Variants in SLC39A11 observed in about 807,000 individuals in gnomAD.
SLC39A11 encodes the protein zinc transporter ZIP11.
Under a neutral mutation model 36.1 loss-of-function variants are expected in SLC39A11, and 33 were observed. That is an observed-to-expected ratio of 0.91 (90% CI 0.69 to 1.22). The LOEUF is 1.22. SLC39A11 is among the 50% of genes most tolerant of loss of function. The pLI, the probability that SLC39A11 is intolerant of heterozygous loss-of-function variation, is 0.00. For synonymous variants in SLC39A11, 166 were observed against 170.3 expected, an observed-to-expected ratio of 0.97 and a Z score of 0.20; for missense variants, 432 against 430.3, an observed-to-expected ratio of 1.00 and a Z score of -0.03.
intron 7 of SLC39A11, among the ~76,000 whole-genome samples, chr17:72,655,124 T>A (rs1009259903): frequency 6.6e-6 from 1 of 152,254 alleles, no homozygotes; most frequent in African/African-American, 2.4e-5. Context: ...CTGACACTCC[T>A]GGGCTCCTTT....
chr17:73,056,217 G>A (rs2059664832), intron 3 of SLC39A11, among the ~76,000 whole-genome samples: 1 of 151,716 alleles, frequency 6.6e-6, no homozygotes, highest in Non-Finnish European at 1.5e-5. Flanking sequence ...CACCCAGGCT[G>A]GAGTACAGTG....
intron 5 of SLC39A11, among the ~76,000 whole-genome samples, chr17:72,915,431 T>A (rs1454050105): frequency 6.6e-6 from 1 of 152,224 alleles, no homozygotes; most frequent in Non-Finnish European, 1.5e-5. Flanking sequence ...GTCCCGGCTT[T>A]CCCCTCACTC....
intron 4 of SLC39A11, among the ~76,000 whole-genome samples, chr17:72,963,023 C>G (rs1389342505): frequency 6.6e-6 from 1 of 152,156 alleles, no homozygotes; most frequent in Non-Finnish European, 1.5e-5. Flanking sequence ...CTCACTATGC[C>G]AGGCCCACCC....
At chr17:72,895,236 T>G (rs1465809878) in intron 5 of SLC39A11, among the ~76,000 whole-genome samples, 1 of 152,024 alleles carries the variant, frequency 6.6e-6, no homozygotes, top group Non-Finnish European at 1.5e-5. Flanking sequence ...AAATCATTCC[T>G]GAGATGTTAG....
At chr17:72,785,933 C>CT (rs2076498626) in intron 6 of SLC39A11, among the ~76,000 whole-genome samples, 1 of 146,348 alleles carries the variant, frequency 6.8e-6, no homozygotes, top group Non-Finnish European at 1.5e-5. Flanking sequence ...ATCGTTTATG[C>CT]TTAAAAAAAA....
chr17:73,067,770 A>T, intron 3 of SLC39A11: 2 of 998,062 alleles, frequency 2.0e-6, no homozygotes. Context: ...TGAATAGATC[A>T]CATCTGTTAA....
At chr17:72,933,159 T>C (rs932058913) in intron 5 of SLC39A11, among the ~76,000 whole-genome samples, 3 of 152,324 alleles carry the variant, frequency 2.0e-5, no homozygotes, top group Non-Finnish European at 4.4e-5. Flanking sequence ...TCACTATTCA[T>C]AGACATGACA....
At chr17:73,087,267 C>T (rs2060766180) in intron 2 of SLC39A11, among the ~76,000 whole-genome samples, 1 of 141,110 alleles carries the variant, frequency 7.1e-6, no homozygotes, top group African/African-American at 2.8e-5. Context: ...TCCAACCCAT[C>T]AGCTCCCGGG....
In SLC39A11 at chr17:72,685,166, G is replaced by C. The variant is rs531340305; in HGVS notation, c.672-35898C>G. On this transcript the variant is annotated intron_variant, in intron 7 of 9. Transcript: ENST00000255559. Reference sequence around the variant, plus strand: ...CACAGGGGTGAATGAGACAGGGCCAGGCTCTTAGGAAGTTTGGGAGCAGAC... The same window carrying C: ...CACAGGGGTGAATGAGACAGGGCCACGCTCTTAGGAAGTTTGGGAGCAGAC... 8.1e-4 allele frequency among the ~76,000 whole-genome samples: 123 copies of C among 151,568 alleles called. 1 individual carries two copies. The highest frequency in any genetic ancestry group is 2.6e-3 in the African/African-American group (110 of 41,510).
At chr17:72,795,772 T>A (rs574516543) in intron 6 of SLC39A11, among the ~76,000 whole-genome samples, 1 of 152,126 alleles carries the variant, frequency 6.6e-6, no homozygotes, top group Non-Finnish European at 1.5e-5. Flanking sequence ...CAGAGGCAAT[T>A]AACCAATTAT....
At chr17:72,815,780 G>A (rs1035887462) in intron 6 of SLC39A11, among the ~76,000 whole-genome samples, 1 of 152,000 alleles carries the variant, frequency 6.6e-6, no homozygotes, top group Non-Finnish European at 1.5e-5. Flanking sequence ...AAATTAGCCA[G>A]ATGTGGTAGT....
Position 72,761,053 on chromosome 17 carries a change from C to T in SLC39A11, c.602-24334G>A, listed in dbSNP as rs117528383. ...GGAACAAGGTAAACAGCAGAGTGCA[C>T]GCCCCAGCTAAATTTAGCAAAATAA... is the stretch of plus-strand genomic sequence containing the variant. On this transcript the variant is annotated intron_variant, in intron 6 of 9. Transcript: ENST00000255559. 3.1e-4 allele frequency among the ~76,000 whole-genome samples: 47 copies of T among 152,314 alleles called. No homozygotes were observed. The East Asian group carries it at 7.3e-3, about 24-fold the overall frequency.
intron 4 of SLC39A11, among the ~76,000 whole-genome samples, chr17:72,968,003 C>T (rs530598488): frequency 4.6e-5 from 7 of 152,298 alleles, no homozygotes; most frequent in African/African-American, 1.7e-4. Flanking sequence ...CCCCAGCCTC[C>T]TTCTTCTCCA....
chr17:73,017,677 C>T (rs1455073193), intron 4 of SLC39A11, among the ~76,000 whole-genome samples: 2 of 152,114 alleles, frequency 1.3e-5, no homozygotes, highest in Non-Finnish European at 2.9e-5. Flanking sequence ...CACGCCACTG[C>T]ACTCCAGCCT....
chr17:72,902,377 T>C (rs2082438824), intron 5 of SLC39A11, among the ~76,000 whole-genome samples: 1 of 151,568 alleles, frequency 6.6e-6, no homozygotes, highest in Admixed American at 6.6e-5. Context: ...AGCCAAGGAA[T>C]GCTAAAAATA....
chr17:73,027,290 A>G (rs1398403919), intron 4 of SLC39A11, among the ~76,000 whole-genome samples: 1 of 152,226 alleles, frequency 6.6e-6, no homozygotes, highest in Non-Finnish European at 1.5e-5. Context: ...CATGGGCTCC[A>G]GCTGGCCTCG....
intron 3 of SLC39A11, among the ~76,000 whole-genome samples, chr17:73,080,859 C>T (rs1377335548): frequency 6.6e-6 from 1 of 151,960 alleles, no homozygotes; most frequent in Non-Finnish European, 1.5e-5. Flanking sequence ...GCAGGAGAAT[C>T]GCTTGAACCC....
intron 7 of SLC39A11, among the ~76,000 whole-genome samples, chr17:72,671,889 T>A (rs1598298440): frequency 1.3e-5 from 2 of 151,822 alleles, no homozygotes; most frequent in African/African-American, 4.8e-5. Flanking sequence ...AATAGGGAGG[T>A]ATTGGTGAAA....
chr17:72,657,401 A>C (rs1418369843), intron 7 of SLC39A11, among the ~76,000 whole-genome samples: 1 of 152,204 alleles, frequency 6.6e-6, no homozygotes, highest in East Asian at 1.9e-4. Context: ...TAAATAAATA[A>C]AAATAAACAT....
Sources: gnomAD v4.1 joint callset for allele counts (sites outside exome capture counted in the v4.1 genomes callset) on GRCh38, gnomAD v4.1.1 for gene constraint, MANE v1.5 for transcripts, NCBI Gene and HGNC (gene_info 2026-07-23, HGNC 2026-07-21) for gene names.